Variants in ITGAL observed in about 807,000 individuals in gnomAD.
ITGAL encodes the protein integrin alpha-L.
A neutral mutation model predicts 138.4 loss-of-function variants in ITGAL; 68 were observed. The ratio of observed to expected loss-of-function variants is 0.49; its 90% CI spans 0.40 to 0.60. ITGAL has a LOEUF of 0.60. Among genes scored for constraint, ITGAL ranks in the 20% least tolerant of loss-of-function variants. The pLI is 0.00. For missense variants in ITGAL, 1,256 were observed against 1,478.6 expected (o/e 0.85, Z 2.47); for synonymous variants, 561 against 584.3 (o/e 0.96, Z 0.57).
At chr16:30,479,002 G>A in intron 4 of ITGAL, 89 bp from the exon 5 acceptor site, 1 of 924,754 alleles carries the variant, frequency 1.1e-6, no homozygotes. Flanking sequence ...AGAGGACAAG[G>A]ACTCTGAACG....
At chr16:30,481,740 T>G (rs2050562765) in intron 7 of ITGAL, among the ~76,000 whole-genome samples, 156 bp downstream of exon 7, 1 of 152,144 alleles carries the variant, frequency 6.6e-6, no homozygotes, top group Non-Finnish European at 1.5e-5. Context: ...CAGATTCTTT[T>G]GGTTGTACGT....
intron 13 of ITGAL, among the ~76,000 whole-genome samples, chr16:30,495,080 A>G (rs1315887284): frequency 6.6e-6 from 1 of 152,188 alleles, no homozygotes; most frequent in Admixed American, 6.6e-5. Flanking sequence ...GCTAGAGTGC[A>G]GTGGCACGAT....
intron 24 of ITGAL, 54 bp from the exon 25 acceptor site, chr16:30,513,717 G>A: frequency 7.1e-7 from 1 of 1,410,016 alleles, no homozygotes; most frequent in Non-Finnish European, 1.0e-6. Flanking sequence ...AAGCTTCCTG[G>A]AGCCCGGGTT....
At chr16:30,508,181 T>C (rs1567485638) in intron 21 of ITGAL, among the ~76,000 whole-genome samples, 1 of 150,896 alleles carries the variant, frequency 6.6e-6, no homozygotes, top group South Asian at 2.1e-4. Context: ...GTGCTGGGAT[T>C]ACAGGCGTGG....
At chr16:30,500,361 C>G (rs1265818232) in intron 17 of ITGAL, among the ~76,000 whole-genome samples, 1 of 151,740 alleles carries the variant, frequency 6.6e-6, no homozygotes, top group Non-Finnish European at 1.5e-5. Flanking sequence ...GCTGGGATTG[C>G]AGGCATGAGC....
At chr16:30,514,648 T>A (rs1260525229) in intron 25 of ITGAL, among the ~76,000 whole-genome samples, 1 of 151,954 alleles carries the variant, frequency 6.6e-6, no homozygotes, top group Non-Finnish European at 1.5e-5. Context: ...GGTCTGGAAC[T>A]CCTGACTTCA....
Position 30,517,835 on chromosome 16 carries a change from C to G in ITGAL, c.3072C>G (p.Val1024=), listed in dbSNP as rs1195567251. The G allele has an allele frequency of 1.2e-6, 2 of 1,614,180 alleles. No homozygotes were observed. Among genetic ancestry groups the G allele is most frequent in the East Asian group, 2.2e-5 (1 of 44,882 alleles). ...LPGALFRCPV[V]FRQEILVQVI... Reference sequence around the variant, plus strand: ...GAGCCCTGTTCCGCTGCCCTGTTGTCTTCAGGCAGGAGATCCTCGTCCAAG... The same window carrying G: ...GAGCCCTGTTCCGCTGCCCTGTTGTGTTCAGGCAGGAGATCCTCGTCCAAG... The change falls in exon 28 of 31, where the codon GTC becomes GTG. Residue 1024 remains valine (V), a synonymous_variant. Coordinates refer to ENST00000356798, the MANE Select transcript of ITGAL (RefSeq NM_002209.3).
At chr16:30,488,833 C>A (rs373170302) in intron 9 of ITGAL, 1 of 482,676 alleles carries the variant, frequency 2.1e-6, no homozygotes, top group Non-Finnish European at 3.8e-6. Flanking sequence ...GCTGTGATTG[C>A]GCCACTGCAC....
chr16:30,499,733 A>ATATATATATTT, intron 17 of ITGAL, among the ~76,000 whole-genome samples: 2 of 88,364 alleles, frequency 2.3e-5, no homozygotes, highest in Non-Finnish European at 1.9e-5. Context: ...ATATATATAT[A>ATATATATATTT]TTTTTTTTTT....
chr16:30,490,088 A>C (rs1476999002), intron 11 of ITGAL, among the ~76,000 whole-genome samples: 2 of 151,966 alleles, frequency 1.3e-5, no homozygotes, highest in African/African-American at 4.8e-5. Flanking sequence ...TTAGTCGGGC[A>C]TGATGGCGGG....
intron 21 of ITGAL, 47 bp downstream of exon 21, chr16:30,506,903 A>G (rs2051009424): frequency 1.9e-6 from 3 of 1,604,656 alleles, no homozygotes; most frequent in Non-Finnish European, 2.6e-6. Context: ...TTCGGCAGAC[A>G]CTGCCCCCTT....
In ITGAL at chr16:30,474,235, G is replaced by A; in HGVS notation, c.101G>A (p.Arg34Gln). Residue 34 changes from arginine (R) to glutamine (Q), a missense_variant, in exon 2 of 31, where the codon CGG (arginine) becomes CAG (glutamine). Arg to Gln is a conservative substitution (Grantham distance 43, BLOSUM62 1). Coordinates refer to ENST00000356798, the MANE Select transcript of ITGAL (RefSeq NM_002209.3). ...TACAACCTGGACGTGCGGGGCGCGC[G>A]GAGCTTCTCCCCACCGCGCGCCGGG... Reference protein sequence around the residue: ...SSYNLDVRGARSFSPPRAGRH... With the variant: ...SSYNLDVRGAQSFSPPRAGRH... 2.5e-6 allele frequency: 4 copies of A among 1,608,952 alleles called. No individual in the cohort carries two copies. The highest frequency in any genetic ancestry group is 3.4e-6 in the Non-Finnish European group (4 of 1,177,950).
chr16:30,484,325 C>G, intron 9 of ITGAL, 62 bp downstream of exon 9: 1 of 1,545,048 alleles, frequency 6.5e-7, no homozygotes, highest in South Asian at 1.2e-5. Context: ...CCTGGGACAT[C>G]AGGCCGGGCT....
rs2051003933 is a variant in ITGAL, at chr16:30,506,714, G to C, written c.2367-1G>C. On this transcript the variant is annotated splice_acceptor_variant, in intron 20 of 30. Transcript: ENST00000356798. LOFTEE classifies it high-confidence loss of function. ...CATCTTTCCCTGATCATCCCCCACAGATCCAGAGCCCTGCGTCTAACTGCT... is the reference window on the plus strand; with the variant it reads ...CATCTTTCCCTGATCATCCCCCACACATCCAGAGCCCTGCGTCTAACTGCT... 2 of 1,611,726 alleles carry C rather than the reference G, an allele frequency of 1.2e-6. No homozygotes were observed. The highest frequency in any genetic ancestry group is 1.7e-6 in the Non-Finnish European group (2 of 1,178,852).
At chr16:30,482,567 G>A (rs1026984674) in intron 7 of ITGAL, among the ~76,000 whole-genome samples, 1 of 152,098 alleles carries the variant, frequency 6.6e-6, no homozygotes, top group Non-Finnish European at 1.5e-5. Context: ...AAGTGATAGG[G>A]CCAGTTAGAA....
Position 30,510,355 on chromosome 16 carries a change from TC to T in ITGAL, c.2509-3del. The T allele has an allele frequency of 6.3e-7, 1 of 1,577,710 alleles. No individual in the cohort carries two copies. The highest frequency in any genetic ancestry group is 8.7e-7 in the Non-Finnish European group (1 of 1,146,956). Reference sequence around the variant, plus strand: ...TAACAAACTTGTTTCCTCCTTTCACTCCCAGCCCCATAGCCAGATACCTGTG... The same window carrying T: ...TAACAAACTTGTTTCCTCCTTTCACTCCAGCCCCATAGCCAGATACCTGTG... On this transcript the variant is annotated splice_polypyrimidine_tract_variant and splice_region_variant and intron_variant, in intron 21 of 30. Transcript: ENST00000356798.
chr16:30,472,888 C>T lies in ITGAL; in HGVS notation c.51C>T (p.Phe17=), dbSNP rs770161979. ...TGGCCATGGCGCTGCTGTCTGGGTT[C>T]TTTTTCTTCGGTAGGCAAGGGAGGA... The part of the protein sequence containing the change: ...TVMAMALLSG[F]FFFAPASSYN... Residue 17 remains phenylalanine (F), a synonymous_variant, in exon 1 of 31, where the codon TTC becomes TTT. Transcript: ENST00000356798. 1.2e-6 allele frequency: 2 copies of T among 1,612,810 alleles called. No homozygotes were observed. Among genetic ancestry groups the T allele is most frequent in the Admixed American group, 1.7e-5 (1 of 59,926 alleles).
chr16:30,497,204 G>A (rs1017472792), intron 15 of ITGAL, among the ~76,000 whole-genome samples: 16 of 151,996 alleles, frequency 1.1e-4, no homozygotes, highest in African/African-American at 2.9e-4. Flanking sequence ...TTAGCCAGGC[G>A]TGGTGGCGGG....
At chr16:30,517,966 T>C in intron 28 of ITGAL, 71 bp downstream of exon 28, 1 of 1,189,996 alleles carries the variant, frequency 8.4e-7, no homozygotes, top group Non-Finnish European at 1.3e-6. Flanking sequence ...GTGGGTGGGC[T>C]CCCACCAGAT....
Sources: gnomAD v4.1 joint callset for allele counts (sites outside exome capture counted in the v4.1 genomes callset) on GRCh38, gnomAD v4.1.1 for gene constraint, MANE v1.5 for transcripts, NCBI Gene and HGNC (gene_info 2026-07-23, HGNC 2026-07-21) for gene names.